The following RGPD1 variants were observed in gnomAD, a reference collection of about 807,000 sequenced individuals.
The protein encoded by RGPD1 is RANBP2 like and GRIP domain containing 1, also known as RANBP2-like and GRIP domain-containing protein 1.
In RGPD1, 7 loss-of-function variants were observed where a neutral mutation model predicts 40.6. That is an observed-to-expected ratio of 0.17 (90% CI 0.10 to 0.32). The LOEUF (loss-of-function observed/expected upper bound fraction) is 0.32, where lower values mean the gene tolerates loss of function less well. RGPD1 is among the 10% of genes least tolerant of loss of function. The pLI is 1.00. For missense variants in RGPD1, 50 were observed against 472.5 expected, an observed-to-expected ratio of 0.11 and a Z score of 8.29; for synonymous variants, 24 against 167.0, an observed-to-expected ratio of 0.14 and a Z score of 6.60.
At chr2:86,943,409 C>T (rs1274852359) in intron 1 of RGPD1, among the ~76,000 whole-genome samples, 13 of 151,608 alleles carry the variant, frequency 8.6e-5, no homozygotes, top group Middle Eastern at 3.4e-3. Context: ...GGTATTTTTC[C>T]TCTTTACAGG....
intron 1 of RGPD1, among the ~76,000 whole-genome samples, chr2:86,943,430 G>T (rs186224957): frequency 1.3e-5 from 2 of 152,086 alleles, no homozygotes; most frequent in African/African-American, 4.8e-5. Context: ...TAAATAATGT[G>T]ATCTATTTTG....
At chr2:86,914,884 G>GGCGGCGGCC (rs1238150151) in intron 1 of RGPD1, among the ~76,000 whole-genome samples, 2 of 23,554 alleles carry the variant, frequency 8.5e-5, no homozygotes, top group African/African-American at 5.4e-4. Flanking sequence ...CGGCGGCGGC[G>GGCGGCGGCC]GCCTCGACCT....
chr2:86,919,941 G>A (rs1678021388), intron 1 of RGPD1, among the ~76,000 whole-genome samples: 1 of 149,642 alleles, frequency 6.7e-6, no homozygotes, highest in Non-Finnish European at 1.5e-5. Context: ...CATTTGTTGA[G>A]TGAATGCCAT....
At chr2:86,930,624 C>T in intron 1 of RGPD1, 1 of 1,611,674 alleles carries the variant, frequency 6.2e-7, no homozygotes, top group Non-Finnish European at 8.5e-7. Flanking sequence ...AGTCTCCCCG[C>T]AGCAGTGAAC....
chr2:86,939,590 AAAAG>A (rs377673220), upstream of RGPD1, among the ~76,000 whole-genome samples: 9,430 of 134,588 alleles, frequency 0.07, 446 homozygotes, highest in South Asian at 0.077. Flanking sequence ...AAAAAAAAAA[AAAAG>A]AAAGAAAGAA....
intron 6 of RGPD1, among the ~76,000 whole-genome samples, chr2:86,960,735 G>A (rs1384999977): frequency 2.3e-5 from 2 of 88,720 alleles, no homozygotes; most frequent in South Asian, 3.4e-4. Context: ...GCCTACAGGT[G>A]CCCGCCACCA....
At chr2:86,914,681 GGGCGGC>G (rs1217785583) in intron 1 of RGPD1, among the ~76,000 whole-genome samples, 10 of 1,672 alleles carry the variant, frequency 6.0e-3, no homozygotes, top group East Asian at 0.1. Context: ...CGACCTGGCC[GGGCGGC>G]GGCGGCGGCG....
intron 1 of RGPD1, among the ~76,000 whole-genome samples, chr2:86,945,541 A>G (rs1173593996): frequency 1.3e-5 from 2 of 152,180 alleles, no homozygotes; most frequent in Admixed American, 6.5e-5. Context: ...TCTGTATATC[A>G]TATCTTTCTA....
upstream of RGPD1, among the ~76,000 whole-genome samples, chr2:86,938,490 T>G (rs546970095): frequency 7.2e-6 from 1 of 138,574 alleles, no homozygotes; most frequent in African/African-American, 3.0e-5. Flanking sequence ...ACTATACATA[T>G]GCTATTTAGG....
chr2:86,941,377 GC>G (rs1679734439), upstream of RGPD1, among the ~76,000 whole-genome samples: 1 of 150,458 alleles, frequency 6.6e-6, no homozygotes, highest in Admixed American at 6.6e-5. Flanking sequence ...GATTTGGGGG[GC>G]TATTCCTTTT....
intron 1 of RGPD1, among the ~76,000 whole-genome samples, chr2:86,928,843 A>T (rs915827511): frequency 6.6e-6 from 1 of 152,156 alleles, no homozygotes; most frequent in Non-Finnish European, 1.5e-5. Context: ...CACTCAAGGT[A>T]TGTGTGTCAA....
At chr2:86,920,659 GACTT>G (rs1678093781) in intron 1 of RGPD1, among the ~76,000 whole-genome samples, 1 of 133,614 alleles carries the variant, frequency 7.5e-6, no homozygotes, top group Admixed American at 8.2e-5. Flanking sequence ...ATGGCTCTTT[GACTT>G]ACTTATTGCA....
chr2:86,913,684 G>GCCGACGTCGC (rs1195728351), upstream of RGPD1: 1 of 1,313,052 alleles, frequency 7.6e-7, no homozygotes, highest in Non-Finnish European at 1.0e-6. Flanking sequence ...CAGCTGGAGC[G>GCCGACGTCGC]CCGACGTCGC....
At chr2:86,923,369 T>C (rs570775778) in intron 1 of RGPD1, among the ~76,000 whole-genome samples, 86 of 151,678 alleles carry the variant, frequency 5.7e-4, no homozygotes, top group African/African-American at 1.7e-3. Flanking sequence ...GTGGTCCAAA[T>C]ATGTTTTTTT....
rs1553442282 is a variant in RGPD1 at position 86,914,569 on chromosome 2, G to GCCT, written c.72+649_72+650insCTC. Among the ~76,000 whole-genome samples, 2 of 35,902 alleles carry GCCT rather than the reference G, an allele frequency of 5.6e-5. 1 individual carries two copies. Among genetic ancestry groups the GCCT allele is most frequent in the East Asian group, 2.2e-3 (2 of 922 alleles). 23.6% of individuals were successfully genotyped at this position (35,902 alleles called of 152,430 possible). A position where few individuals can be genotyped will look rare whatever the true frequency, so the allele number is the denominator to read the frequency against. ...GGCGGCGGCGGCGGCGGCGGCGGCG[G>GCCT]CGGCCTCGGCCTCGGCCTCGGCCTT... On this transcript the variant is annotated intron_variant, in intron 1 of 22. Transcript: ENST00000398193.
intron 1 of RGPD1, among the ~76,000 whole-genome samples, chr2:86,928,453 CAG>C (rs1179279352): frequency 6.6e-6 from 1 of 152,090 alleles, no homozygotes; most frequent in East Asian, 1.9e-4. Flanking sequence ...GGGGATTAAA[CAG>C]AGGAGGGACA....
intron 22 of RGPD1, among the ~76,000 whole-genome samples, chr2:86,998,567 A>G: frequency 1.3e-5 from 1 of 75,014 alleles, no homozygotes; most frequent in African/African-American, 5.1e-5. Context: ...AAAAAAAACT[A>G]TGATGTAGTT....
At chr2:86,940,939 A>G (rs1483517130), upstream of RGPD1, among the ~76,000 whole-genome samples, 6 of 152,226 alleles carry the variant, frequency 3.9e-5, no homozygotes, top group African/African-American at 1.4e-4. Flanking sequence ...TAAGCTCAGA[A>G]TCATCTTTTT....
At chr2:86,941,390 C>G (rs1328133020), upstream of RGPD1, among the ~76,000 whole-genome samples, 1 of 142,102 alleles carries the variant, frequency 7.0e-6, no homozygotes, top group Admixed American at 7.1e-5. Context: ...ATTCCTTTTC[C>G]TTTTTTTTTT....
Sources: allele counts gnomAD v4.1 joint callset (sites outside exome capture counted in the v4.1 genomes callset), GRCh38; gene constraint gnomAD v4.1.1; transcripts MANE v1.5; gene names NCBI Gene and HGNC (gene_info 2026-07-23, HGNC 2026-07-21).